The following SLC35F3 variants were observed in gnomAD, a reference collection of about 807,000 sequenced individuals.
SLC35F3 encodes solute carrier family 35 member F3.
Under a neutral mutation model 49.9 loss-of-function variants are expected in SLC35F3, and 25 were observed. The observed-to-expected ratio is 0.50, with a 90% CI of 0.37 to 0.70. The LOEUF (loss-of-function observed/expected upper bound fraction) is 0.70. Among genes scored for constraint, SLC35F3 ranks in the 30% least tolerant of loss-of-function variants. The pLI is 0.00. For synonymous variants in SLC35F3, 275 were observed against 265.4 expected (o/e 1.04, Z -0.35); for missense variants, 525 against 639.8 (o/e 0.82, Z 1.94).
At chr1:234,225,144 T>C (rs996459621) in intron 2 of SLC35F3, among the ~76,000 whole-genome samples, 3 of 152,242 alleles carry the variant, frequency 2.0e-5, no homozygotes, top group Non-Finnish European at 4.4e-5. Context: ...GGCATGTAGT[T>C]GGCCTTACGC....
At chr1:233,961,276 C>T (rs1251743037) in intron 2 of SLC35F3, among the ~76,000 whole-genome samples, 5 of 151,918 alleles carry the variant, frequency 3.3e-5, no homozygotes, top group African/African-American at 7.3e-5. Context: ...ACCCAGTGTG[C>T]GGTGGGCAGA....
chr1:234,318,648 C>A, intron 5 of SLC35F3, 103 bp from the exon 6 acceptor site: 1 of 984,692 alleles, frequency 1.0e-6, no homozygotes, highest in Non-Finnish European at 1.5e-6. Context: ...GGTTTCCATC[C>A]TGCAGTGCAA....
chr1:233,930,620 C>G (rs1183901115), intron 2 of SLC35F3, among the ~76,000 whole-genome samples: 1 of 152,136 alleles, frequency 6.6e-6, no homozygotes, highest in African/African-American at 2.4e-5. Flanking sequence ...TGATGTTTGA[C>G]TTCCCCAAAA....
intron 2 of SLC35F3, among the ~76,000 whole-genome samples, chr1:234,222,588 G>T (rs567278779): frequency 6.6e-5 from 10 of 152,300 alleles, no homozygotes; most frequent in African/African-American, 2.4e-4. Context: ...TGGTGAGTCT[G>T]GTGGGCTGGC....
chr1:234,138,223 G>A (rs1286462854), intron 2 of SLC35F3, among the ~76,000 whole-genome samples: 4 of 152,144 alleles, frequency 2.6e-5, no homozygotes, highest in African/African-American at 9.7e-5. Flanking sequence ...TGTCAATTTT[G>A]TATGGCTGTA....
intron 2 of SLC35F3, among the ~76,000 whole-genome samples, chr1:234,045,795 G>A (rs1430499014): frequency 1.3e-5 from 2 of 151,566 alleles, no homozygotes; most frequent in Non-Finnish European, 2.9e-5. Flanking sequence ...TGTAAATTGT[G>A]TGTTTATCAT....
intron 2 of SLC35F3, among the ~76,000 whole-genome samples, chr1:234,212,254 C>T (rs1200003221): frequency 5.9e-5 from 9 of 152,166 alleles, no homozygotes; most frequent in East Asian, 1.9e-4. Context: ...TAGTAGAACA[C>T]GTGTGTAGAG....
intron 3 of SLC35F3, among the ~76,000 whole-genome samples, chr1:234,277,360 T>C (rs1668228731): frequency 6.6e-6 from 1 of 152,202 alleles, no homozygotes; most frequent in Non-Finnish European, 1.5e-5. Flanking sequence ...CATTGTTTTC[T>C]GGCTAGGAAG....
At chr1:234,304,872 G>A (rs1489123430) in intron 3 of SLC35F3, among the ~76,000 whole-genome samples, 1 of 152,016 alleles carries the variant, frequency 6.6e-6, no homozygotes, top group East Asian at 1.9e-4. Flanking sequence ...AAATAAGATA[G>A]AGAAAGCAAG....
chr1:234,176,543 A>C (rs1349752617), intron 2 of SLC35F3, among the ~76,000 whole-genome samples: 2 of 152,194 alleles, frequency 1.3e-5, no homozygotes, highest in Non-Finnish European at 2.9e-5. Flanking sequence ...AAGGAACAGC[A>C]TCTCTATCAG....
chr1:234,177,402 C>A (rs1343998642), intron 2 of SLC35F3, among the ~76,000 whole-genome samples: 2 of 152,194 alleles, frequency 1.3e-5, no homozygotes, highest in Non-Finnish European at 2.9e-5. Flanking sequence ...GGAAGCACCT[C>A]CAAGCCACCT....
At chr1:234,026,345 A>G (rs1382103164) in intron 2 of SLC35F3, among the ~76,000 whole-genome samples, 4 of 152,172 alleles carry the variant, frequency 2.6e-5, no homozygotes, top group Admixed American at 6.5e-5. Flanking sequence ...ACAAAGGTTG[A>G]TAAATTACTG....
chr1:233,945,296 G>C (rs1262528805), intron 2 of SLC35F3, among the ~76,000 whole-genome samples: 3 of 152,106 alleles, frequency 2.0e-5, no homozygotes, highest in Non-Finnish European at 4.4e-5. Flanking sequence ...AGCACAGTTG[G>C]AAGTCCCCAG....
chr1:234,135,233 T>A (rs1665792713), intron 2 of SLC35F3, among the ~76,000 whole-genome samples: 1 of 152,150 alleles, frequency 6.6e-6, no homozygotes, highest in East Asian at 1.9e-4. Flanking sequence ...AGTGAATGAT[T>A]AGTAGCACAA....
intron 3 of SLC35F3, among the ~76,000 whole-genome samples, chr1:234,236,949 ATATATAT>A (rs1457116895): frequency 8.4e-6 from 1 of 118,774 alleles, no homozygotes; most frequent in Non-Finnish European, 1.8e-5. Context: ...ATATATATAT[ATATATAT>A]ATATATATGG....
At chr1:233,983,619 T>G (rs1047469442) in intron 2 of SLC35F3, among the ~76,000 whole-genome samples, 9 of 152,234 alleles carry the variant, frequency 5.9e-5, no homozygotes, top group Admixed American at 4.6e-4. Context: ...ATGCGAAGTT[T>G]AAGGTTGCAG....
At position 234,216,874 on chromosome 1, in the gene SLC35F3, A is replaced by G. The variant is rs146300369; in HGVS notation, c.284-14543A>G. On this transcript the variant is annotated intron_variant, in intron 2 of 7. Coordinates refer to ENST00000366618, the MANE Select transcript of SLC35F3 (RefSeq NM_173508.4). Reference sequence around the variant, plus strand: ...TTGCATTTTTCGTGGGATACCTACAAGTATCCCATGCAAAATTCTGCCCCT... The same window carrying G: ...TTGCATTTTTCGTGGGATACCTACAGGTATCCCATGCAAAATTCTGCCCCT... 5.5e-3 allele frequency among the ~76,000 whole-genome samples: 832 copies of G among 152,344 alleles called. 3 individuals carry two copies. Among genetic ancestry groups the G allele is most frequent in the Non-Finnish European group, 8.2e-3 (557 of 68,030 alleles).
intron 2 of SLC35F3, among the ~76,000 whole-genome samples, chr1:234,217,591 G>A (rs1297070169): frequency 1.3e-5 from 2 of 151,528 alleles, no homozygotes; most frequent in Non-Finnish European, 1.5e-5. Flanking sequence ...CTTTCTGAGG[G>A]GGGCCTTTCT....
At chr1:234,126,440 G>A (rs1297475577) in intron 2 of SLC35F3, among the ~76,000 whole-genome samples, 2 of 139,320 alleles carry the variant, frequency 1.4e-5, no homozygotes, top group Admixed American at 7.0e-5. Context: ...CCAGGATATC[G>A]ACATTGATAC....
Sources: allele counts gnomAD v4.1 joint callset (sites outside exome capture counted in the v4.1 genomes callset), GRCh38; gene constraint gnomAD v4.1.1; transcripts MANE v1.5; gene names NCBI Gene and HGNC (gene_info 2026-07-23, HGNC 2026-07-21).